The following PPP1R21 variants were observed in gnomAD, a reference collection of about 807,000 sequenced individuals.
The protein encoded by PPP1R21 is KLRAQ motif containing 1.
Under a neutral mutation model 112.8 loss-of-function variants are expected in PPP1R21, and 85 were observed. The observed-to-expected ratio is 0.75, with a 90% CI of 0.63 to 0.90. The LOEUF (loss-of-function observed/expected upper bound fraction) is 0.90. Ranked by LOEUF, PPP1R21 falls within the 40% of genes least tolerant of loss-of-function variation. PPP1R21 has a pLI of 0.00. For missense variants in PPP1R21, 1,199 were observed against 901.5 expected (o/e 1.33, Z -4.23); for synonymous variants, 381 against 322.3 (o/e 1.18, Z -1.95).
chr2:48,507,359 A>G lies in PPP1R21; in HGVS notation c.2059A>G (p.Ser687Gly), dbSNP rs764054244. The G allele has an allele frequency of 6.3e-7, 1 of 1,598,994 alleles. No homozygotes were observed. Among genetic ancestry groups the G allele is most frequent in the East Asian group, 2.3e-5 (1 of 44,244 alleles). The change falls in exon 19 of 22, where the codon AGT becomes GGT. Residue 687 changes from serine to glycine, a missense_variant. Ser to Gly is a moderately conservative substitution (Grantham distance 56). Transcript: ENST00000294952. ...TACGTCTCAGTTGCAGCTGGCTGACAGTAAGTCAGTGCATTTTTATGCCGA... is the reference window on the plus strand; with the variant it reads ...TACGTCTCAGTTGCAGCTGGCTGACGGTAAGTCAGTGCATTTTTATGCCGA... Reference protein sequence around the residue: ...ELTSQLQLADSKSVHFYAECR... With the variant: ...ELTSQLQLADGKSVHFYAECR...
At chr2:48,454,768 G>A in intron 3 of PPP1R21, 27 bp downstream of exon 3, 1 of 1,589,690 alleles carries the variant, frequency 6.3e-7, no homozygotes, top group East Asian at 2.2e-5. Context: ...GCAAGTTAGT[G>A]TGACCTTGTC....
chr2:48,473,431 TCTTG>T (rs1415517019), intron 11 of PPP1R21, among the ~76,000 whole-genome samples: 1 of 152,236 alleles, frequency 6.6e-6, no homozygotes, highest in African/African-American at 2.4e-5. Context: ...ATGAATTTTA[TCTTG>T]CTTCATTTTT....
chr2:48,505,414 C>A, intron 17 of PPP1R21, 150 bp from the exon 18 acceptor site: 1 of 616,280 alleles, frequency 1.6e-6, no homozygotes, highest in Non-Finnish European at 2.9e-6. Flanking sequence ...TCTTCATGTC[C>A]TTGTAGTAAA....
intron 15 of PPP1R21, among the ~76,000 whole-genome samples, chr2:48,492,253 T>C (rs1327302393): frequency 6.6e-6 from 1 of 152,220 alleles, no homozygotes; most frequent in African/African-American, 2.4e-5. Flanking sequence ...CCTTTCAGGC[T>C]CTTTGAGCAT....
chr2:48,498,251 C>G (rs537900970), intron 16 of PPP1R21, among the ~76,000 whole-genome samples: 1 of 149,380 alleles, frequency 6.7e-6, no homozygotes, highest in African/African-American at 2.4e-5. Context: ...TTTCTTTTCA[C>G]TCTTGATGTT....
At chr2:48,495,571 C>T (rs1007958752) in intron 15 of PPP1R21, 108 bp from the exon 16 acceptor site, 4 of 666,464 alleles carry the variant, frequency 6.0e-6, no homozygotes, top group Non-Finnish European at 5.4e-6. Context: ...CTTTGACATA[C>T]ATCTGAATTT....
intron 7 of PPP1R21, among the ~76,000 whole-genome samples, chr2:48,462,670 A>G (rs1668027284): frequency 6.6e-6 from 1 of 152,180 alleles, no homozygotes; most frequent in East Asian, 1.9e-4. Context: ...GTATGGTGGG[A>G]CTGGACCCTA....
rs1012450443 is a variant in PPP1R21, at chr2:48,446,672, C to G, written c.58-4336C>G. ...TATCCATAGCATTGATCTTTCATTG[C>G]AGGCAGGAAATACAAGGAAGTATAC... On this transcript the variant is annotated intron_variant, in intron 1 of 21. Transcript: ENST00000294952. 9.9e-5 allele frequency among the ~76,000 whole-genome samples: 15 copies of G among 152,148 alleles called. No individual in the cohort carries two copies. In the East Asian group the frequency reaches 2.5e-3, roughly 25 times the overall value.
At chr2:48,483,195 C>CTTTTTTTTTTTTTTTTTTTT (rs755036470) in intron 13 of PPP1R21, among the ~76,000 whole-genome samples, 1 of 80,890 alleles carries the variant, frequency 1.2e-5, no homozygotes, top group Non-Finnish European at 2.1e-5. Context: ...CTTTTTTTTC[C>CTTTTTTTTTTTTTTTTTTTT]TTTTTTTTTT....
chr2:48,477,098 A>G (rs897234718), intron 12 of PPP1R21, among the ~76,000 whole-genome samples: 6 of 136,468 alleles, frequency 4.4e-5, no homozygotes, highest in Non-Finnish European at 8.1e-5. Flanking sequence ...ACTTAGGTTT[A>G]TGATTAATTT....
rs1667203626 is a variant in PPP1R21, at chr2:48,445,373, TTTAA to T, written c.57+4368_57+4371del. ...TTTAGGTTTTATTTAATTTAAATAA[TTTAA>T]TTAAAATAGCCACTTGTAGCTATTG... On this transcript the variant is annotated intron_variant, in intron 1 of 21. Transcript: ENST00000294952. 6.6e-5 allele frequency among the ~76,000 whole-genome samples: 10 copies of T among 152,296 alleles called. No homozygotes were observed. In the South Asian group the frequency reaches 1.9e-3, roughly 28 times the overall value.
intron 12 of PPP1R21, among the ~76,000 whole-genome samples, 158 bp downstream of exon 12, chr2:48,474,977 C>G (rs1466544742): frequency 1.3e-5 from 2 of 152,202 alleles, no homozygotes; most frequent in African/African-American, 4.8e-5. Flanking sequence ...CATTTATGAC[C>G]TTGGGCAAAG....
intron 17 of PPP1R21, among the ~76,000 whole-genome samples, chr2:48,503,810 G>A (rs181621795): frequency 0.016 from 2,374 of 151,984 alleles, 56 homozygotes; most frequent in African/African-American, 0.052. Context: ...AAAATTAGCT[G>A]GGCGTGGTGG....
chr2:48,457,618 TA>T (rs1410316226), intron 3 of PPP1R21, among the ~76,000 whole-genome samples: 1 of 152,208 alleles, frequency 6.6e-6, no homozygotes, highest in Non-Finnish European at 1.5e-5. Flanking sequence ...TATTTATTTA[TA>T]ATAGCTTTAT....
At chr2:48,497,631 T>C (rs535800413) in intron 16 of PPP1R21, among the ~76,000 whole-genome samples, 47 of 152,290 alleles carry the variant, frequency 3.1e-4, no homozygotes, top group African/African-American at 1.1e-3. Context: ...AAAATTACTT[T>C]TGCACCAACC....
intron 1 of PPP1R21, among the ~76,000 whole-genome samples, chr2:48,448,181 AAC>A (rs1362122100): frequency 4.6e-5 from 7 of 152,170 alleles, no homozygotes; most frequent in Non-Finnish European, 4.4e-5. Flanking sequence ...TCTTTCAGAT[AAC>A]AGTTTCTTAA....
chr2:48,508,948 C>T (rs1485347303), intron 19 of PPP1R21, among the ~76,000 whole-genome samples: 1 of 152,120 alleles, frequency 6.6e-6, no homozygotes, highest in African/African-American at 2.4e-5. Context: ...GTGGTGACCT[C>T]CCCCCTCCCA....
chr2:48,465,675 C>G (rs1311277391), intron 9 of PPP1R21, 33 bp downstream of exon 9: 6 of 1,592,990 alleles, frequency 3.8e-6, no homozygotes, highest in Admixed American at 3.4e-5. Flanking sequence ...TTTGTTTGCC[C>G]TGAACAAAAT....
intron 13 of PPP1R21, among the ~76,000 whole-genome samples, chr2:48,483,946 C>T (rs1471399598): frequency 6.6e-6 from 1 of 152,044 alleles, no homozygotes; most frequent in Admixed American, 6.5e-5. Flanking sequence ...CTTCGGTCTC[C>T]CAAAGTGCTG....
Sources: allele counts gnomAD v4.1 joint callset (sites outside exome capture counted in the v4.1 genomes callset), GRCh38; gene constraint gnomAD v4.1.1; transcripts MANE v1.5; gene names NCBI Gene and HGNC (gene_info 2026-07-23, HGNC 2026-07-21).